The following SCAMP1 variants were observed in gnomAD, a reference collection of about 807,000 sequenced individuals.
SCAMP1 encodes the protein secretory carrier-associated membrane protein 1.
Under a neutral mutation model 41.8 loss-of-function variants are expected in SCAMP1, and 15 were observed. That is an observed-to-expected ratio of 0.36 (90% CI 0.24 to 0.55). The LOEUF is 0.55. Among genes scored for constraint, SCAMP1 ranks in the 20% least tolerant of loss-of-function variants. SCAMP1 has a pLI of 0.86. For missense variants in SCAMP1, 341 were observed against 412.6 expected (o/e 0.83, Z 1.50); for synonymous variants, 135 against 136.8 (o/e 0.99, Z 0.09).
In SCAMP1 at chr5:78,407,784, G is replaced by C. The variant is rs192762427; in HGVS notation, c.136-7736G>C. On this transcript the variant is annotated intron_variant, in intron 2 of 8. Coordinates refer to ENST00000621999, the MANE Select transcript of SCAMP1 (RefSeq NM_004866.6). ...TTATTTCATCTTTGTGTAGTTTGCT[G>C]TTCAACTTGTCTATTAAATTTATAA... Among the ~76,000 whole-genome samples, 7 of 151,932 alleles carry C rather than the reference G, an allele frequency of 4.6e-5. No homozygotes were observed. In the East Asian group the frequency reaches 1.4e-3, roughly 29 times the overall value.
chr5:78,457,174 T>G lies in SCAMP1; in HGVS notation c.735-2071T>G, dbSNP rs1415969982. Among the ~76,000 whole-genome samples, 3 of 151,992 alleles carry G rather than the reference T, an allele frequency of 2.0e-5. No individual in the cohort carries two copies. The South Asian group carries it at 6.2e-4, about 32-fold the overall frequency. ...AGTAATTTGATCGTCTGAAGCCTTC[T>G]TCTCTCAACTCGTCAAAGTCATTCT... On this transcript the variant is annotated intron_variant, in intron 7 of 8. Transcript: ENST00000621999.
At chr5:78,386,915 C>A (rs1330756511) in intron 1 of SCAMP1, among the ~76,000 whole-genome samples, 5 of 152,124 alleles carry the variant, frequency 3.3e-5, no homozygotes, top group African/African-American at 1.2e-4. Flanking sequence ...CTTTAGATAA[C>A]CTGATGACTA....
chr5:78,364,969 T>C (rs1259634212), intron 1 of SCAMP1, among the ~76,000 whole-genome samples: 2 of 15,872 alleles, frequency 1.3e-4, no homozygotes, highest in Non-Finnish European at 4.2e-4. Context: ...ATGGCACATG[T>C]ATACATATGT....
intron 2 of SCAMP1, among the ~76,000 whole-genome samples, chr5:78,391,562 A>G (rs1161930016): frequency 6.8e-6 from 1 of 147,278 alleles, no homozygotes; most frequent in Non-Finnish European, 1.5e-5. Context: ...TTCTCAGACG[A>G]TGGGTGGCCA....
chr5:78,471,614 A>G (rs1753884692), intron 8 of SCAMP1, among the ~76,000 whole-genome samples: 1 of 152,170 alleles, frequency 6.6e-6, no homozygotes, highest in African/African-American at 2.4e-5. Context: ...TTATTTAAAT[A>G]AAGTGCCATT....
At chr5:78,463,083 G>A (rs867137791) in intron 8 of SCAMP1, among the ~76,000 whole-genome samples, 1 of 152,068 alleles carries the variant, frequency 6.6e-6, no homozygotes, top group African/African-American at 2.4e-5. Context: ...AAAACCCTAC[G>A]AAGGTTAGAC....
intron 6 of SCAMP1, among the ~76,000 whole-genome samples, chr5:78,431,732 C>G (rs965077353): frequency 2.0e-5 from 3 of 151,814 alleles, no homozygotes; most frequent in Admixed American, 2.0e-4. Flanking sequence ...GCAGAGTACT[C>G]TCAGTTCCCC....
intron 2 of SCAMP1, among the ~76,000 whole-genome samples, chr5:78,398,541 A>ATTTTTTT (rs57209214): frequency 4.5e-5 from 2 of 44,282 alleles, no homozygotes; most frequent in African/African-American, 1.6e-4. Flanking sequence ...AAGGTTCACT[A>ATTTTTTT]TTTTTTTTTT....
rs138828300 is a variant in SCAMP1, at chr5:78,476,392, G to A, written c.*724G>A. On this transcript the variant is annotated 3_prime_UTR_variant, in exon 9 of 9. Transcript: ENST00000621999. ...AGAATTTCTTTTAAATAAAAAGTTTGGGGGTGCAATATAAGAAGTTTATAT... is the reference window on the plus strand; with the variant it reads ...AGAATTTCTTTTAAATAAAAAGTTTAGGGGTGCAATATAAGAAGTTTATAT... 189 of 152,548 alleles carry A rather than the reference G, an allele frequency of 1.2e-3. No individual in the cohort carries two copies. The highest frequency in any genetic ancestry group is 1.4e-3 in the Non-Finnish European group (98 of 67,998). The allele number at this position is 152,548 out of a possible 1,614,324, so 9.4% of individuals were successfully genotyped here.
chr5:78,427,816 T>C (rs1242021944), intron 6 of SCAMP1, among the ~76,000 whole-genome samples: 1 of 152,170 alleles, frequency 6.6e-6, no homozygotes, highest in Non-Finnish European at 1.5e-5. Context: ...ATTTGCTTAT[T>C]AGACGTGTGT....
rs377373637 is a variant in SCAMP1, at chr5:78,360,734, C to G, written c.57+6C>G. The stretch of plus-strand genomic sequence containing the variant: ...ATCTCAACAATCCCTTCAAGGTGAG[C>G]TTCGGCCCCAGCATCTCCTGCCGCC... On this transcript the variant is annotated splice_donor_region_variant and intron_variant, in intron 1 of 8. Transcript: ENST00000621999. 11 of 1,605,404 alleles carry G rather than the reference C, an allele frequency of 6.9e-6. No individual in the cohort carries two copies. Among genetic ancestry groups the G allele is most frequent in the Non-Finnish European group, 8.5e-6 (10 of 1,176,338 alleles).
At position 78,370,202 on chromosome 5, in the gene SCAMP1, A is replaced by C. The variant is rs577331384; in HGVS notation, c.57+9474A>C. Among the ~76,000 whole-genome samples, 6 of 152,348 alleles carry C rather than the reference A, an allele frequency of 3.9e-5. 1 individual carries two copies. The highest frequency in any genetic ancestry group is 3.9e-4 in the East Asian group (2 of 5,184). On this transcript the variant is annotated intron_variant, in intron 1 of 8. Coordinates refer to ENST00000621999, the MANE Select transcript of SCAMP1 (RefSeq NM_004866.6). Reference sequence around the variant, plus strand: ...TGTAAAGTAACATTTTCTTGCCAAAAGGGTGATAGAGTTAAGCCTGTATTT... The same window carrying C: ...TGTAAAGTAACATTTTCTTGCCAAACGGGTGATAGAGTTAAGCCTGTATTT...
intron 7 of SCAMP1, among the ~76,000 whole-genome samples, chr5:78,457,539 C>A (rs368027194): frequency 6.6e-6 from 1 of 152,146 alleles, no homozygotes; most frequent in Non-Finnish European, 1.5e-5. Context: ...GCAGTCTGCC[C>A]GTTCTCAGAT....
chr5:78,430,146 T>G (rs1204732484), intron 6 of SCAMP1, among the ~76,000 whole-genome samples: 686 of 48,700 alleles, frequency 0.014, 49 homozygotes, highest in African/African-American at 0.048. Flanking sequence ...AATACAGTAT[T>G]TATTTATAAA....
intron 1 of SCAMP1, among the ~76,000 whole-genome samples, chr5:78,377,469 C>G (rs1352177699): frequency 6.6e-6 from 1 of 152,164 alleles, no homozygotes; most frequent in African/African-American, 2.4e-5. Context: ...CGAGTTGCTT[C>G]TGTTGGGCCT....
chr5:78,459,415 C>A lies in SCAMP1; in HGVS notation c.852+53C>A, dbSNP rs915509936. The A allele has an allele frequency of 3.7e-5, 33 of 887,824 alleles. 1 individual carries two copies. Among genetic ancestry groups the A allele is most frequent in the Non-Finnish European group, 5.6e-5 (31 of 554,696 alleles). The allele number at this position is 887,824 out of a possible 1,614,324, so 55.0% of individuals were successfully genotyped here. ...TATAGTGAACGTGATGTAAAGTTCT[C>A]ATTTTCCTATTTTGCTATAATTTGG... is the stretch of plus-strand genomic sequence containing the variant. On this transcript the variant is annotated intron_variant, in intron 8 of 8. Coordinates refer to ENST00000621999, the MANE Select transcript of SCAMP1 (RefSeq NM_004866.6).
At chr5:78,396,710 G>A (rs994332355) in intron 2 of SCAMP1, among the ~76,000 whole-genome samples, 2 of 152,184 alleles carry the variant, frequency 1.3e-5, no homozygotes, top group African/African-American at 4.8e-5. Flanking sequence ...AATATTGGAG[G>A]TGGAAGGGCA....
chr5:78,393,824 ACAGTTGAAAATGCCTATTGCTG>A (rs61179077), intron 2 of SCAMP1, among the ~76,000 whole-genome samples: 41,147 of 151,774 alleles, frequency 0.27, 5,822 homozygotes, highest in East Asian at 0.53. Context: ...CAATTAAGTA[ACAGTTGAAAATGCCTATTGCTG>A]CTTGATTCTC....
At position 78,418,856 on chromosome 5, in the gene SCAMP1, C is replaced by A; in HGVS notation, c.425C>A (p.Pro142His). Residue 142 changes from proline (P) to histidine (H), a missense_variant, in exon 5 of 9, where the codon CCT becomes CAT. By Grantham distance (77) the Pro-to-His change is moderately conservative. Transcript: ENST00000621999. ...TATCAGGATTTTTCTGTAGACATTC[C>A]TGTAGAATTCCAAAAGACAGTAAAG... ...CFYQDFSVDI[P>H]VEFQKTVKLM... 1 of 1,581,436 alleles carries A rather than the reference C, an allele frequency of 6.3e-7. No homozygotes were observed.
Sources: gnomAD v4.1 joint callset for allele counts (sites outside exome capture counted in the v4.1 genomes callset) on GRCh38, gnomAD v4.1.1 for gene constraint, MANE v1.5 for transcripts, NCBI Gene and HGNC (gene_info 2026-07-23, HGNC 2026-07-21) for gene names.